ANK2: variants seen among roughly 807,000 people sequenced by gnomAD.
ANK2 encodes the protein ankyrin 2.
ANK2 carries 83 observed loss-of-function variants against 360.5 expected under a neutral mutation model. The observed-to-expected ratio is 0.23, with a 90% CI of 0.19 to 0.28. The LOEUF (loss-of-function observed/expected upper bound fraction) is 0.28. Ranked by LOEUF, ANK2 falls within the 10% of genes least tolerant of loss-of-function variation. The pLI, the probability that ANK2 is intolerant of heterozygous loss-of-function variation, is 1.00. For missense variants in ANK2, 4,201 were observed against 4,795.7 expected (o/e 0.88, Z 3.66); for synonymous variants, 1,740 against 1,759.5 (o/e 0.99, Z 0.28).
chr4:112,868,545 G>A (rs2071565851), intron 1 of ANK2, among the ~76,000 whole-genome samples: 1 of 152,166 alleles, frequency 6.6e-6, no homozygotes, highest in African/African-American at 2.4e-5. Flanking sequence ...ACCTCTTAAT[G>A]GTCTCACTTC....
At chr4:112,707,200 C>G in the ANK2 span, among the ~76,000 whole-genome samples, 1 of 152,176 alleles carries the variant, frequency 6.6e-6, no homozygotes, top group Non-Finnish European at 1.5e-5. Flanking sequence ...AATGGTCTTT[C>G]TCCCTGGTAG....
chr4:113,349,558 C>T (rs538580066), intron 36 of ANK2, among the ~76,000 whole-genome samples: 16 of 152,070 alleles, frequency 1.1e-4, no homozygotes, highest in Non-Finnish European at 2.2e-4. Flanking sequence ...GCCATATACA[C>T]AATCAACTTA....
At chr4:112,723,159 G>A in the ANK2 span, among the ~76,000 whole-genome samples, 2 of 152,112 alleles carry the variant, frequency 1.3e-5, no homozygotes, top group African/African-American at 2.4e-5. Context: ...TAGATCTCAC[G>A]AACCTGGAAT....
intron 14 of ANK2, among the ~76,000 whole-genome samples, chr4:113,267,955 A>G (rs2056898448): frequency 6.6e-6 from 1 of 152,170 alleles, no homozygotes; most frequent in Non-Finnish European, 1.5e-5. Flanking sequence ...ATCCTTGAAG[A>G]GGTCCTTCAC....
intron 2 of ANK2, chr4:113,034,643 G>A (rs1282488074): frequency 1.3e-5 from 2 of 151,958 alleles, no homozygotes; most frequent in African/African-American, 4.8e-5. Context: ...AAGAAATATT[G>A]ACAATCTTTC....
intron 17 of ANK2, among the ~76,000 whole-genome samples, chr4:113,281,800 T>A (rs574953947): frequency 6.6e-6 from 1 of 152,196 alleles, no homozygotes; most frequent in South Asian, 2.1e-4. Flanking sequence ...AGAGTATGAG[T>A]TTTCCTGTCC....
At chr4:113,043,509 G>T (rs1011355348) in intron 2 of ANK2, among the ~76,000 whole-genome samples, 1 of 151,982 alleles carries the variant, frequency 6.6e-6, no homozygotes, top group Non-Finnish European at 1.5e-5. Flanking sequence ...GGGCTTAAGT[G>T]GTCTTCCTGC....
At chr4:112,778,699 G>A in the ANK2 span, among the ~76,000 whole-genome samples, 2 of 152,160 alleles carry the variant, frequency 1.3e-5, no homozygotes, top group Non-Finnish European at 2.9e-5. Flanking sequence ...GACAAGGGGC[G>A]CCAGCCTGCA....
At chr4:112,847,226 T>C (rs1349740180) in intron 1 of ANK2, among the ~76,000 whole-genome samples, 1 of 152,206 alleles carries the variant, frequency 6.6e-6, no homozygotes, top group Non-Finnish European at 1.5e-5. Flanking sequence ...CTGTGTGTCC[T>C]GTGGATACTG....
At chr4:112,747,452 T>G in the ANK2 span, among the ~76,000 whole-genome samples, 1 of 152,188 alleles carries the variant, frequency 6.6e-6, no homozygotes, top group African/African-American at 2.4e-5. Context: ...ATGTGAAAAT[T>G]GGTGGTTTAT....
In ANK2 at chr4:112,999,791, T is replaced by G. The variant is rs942539052; in HGVS notation, c.21+95277T>G. 3.9e-5 allele frequency among the ~76,000 whole-genome samples: 6 copies of G among 152,168 alleles called. No individual in the cohort carries two copies. In the South Asian group the frequency reaches 1.0e-3, roughly 26 times the overall value. On this transcript the variant is annotated intron_variant, in intron 2 of 30. Coordinates refer to the ANK2 transcript ENST00000503271. ...CCCCCTGGAATCGTCTTACTTTTCT[T>G]GGCAAGCATCATTAGAAAGTTAATT...
At chr4:112,818,902 T>C (rs1364524291) in intron 1 of ANK2, among the ~76,000 whole-genome samples, 1 of 152,210 alleles carries the variant, frequency 6.6e-6, no homozygotes, top group African/African-American at 2.4e-5. Context: ...TCCCAGCTAG[T>C]GAATTGTCTT....
chr4:113,273,966 A>AAAATGACC (rs2059381059), intron 14 of ANK2, among the ~76,000 whole-genome samples: 1 of 152,322 alleles, frequency 6.6e-6, no homozygotes, highest in East Asian at 1.9e-4. Context: ...CTCCTTGAAG[A>AAAATGACC]AAATGACCAG....
chr4:113,239,163 T>A (rs1322175586), intron 7 of ANK2, among the ~76,000 whole-genome samples: 1 of 152,176 alleles, frequency 6.6e-6, no homozygotes, highest in Non-Finnish European at 1.5e-5. Context: ...ATTGGCATTA[T>A]GTAAATGCAA....
intron 1 of ANK2, among the ~76,000 whole-genome samples, chr4:113,082,773 C>T (rs1304038713): frequency 6.6e-6 from 1 of 152,114 alleles, no homozygotes; most frequent in Non-Finnish European, 1.5e-5. Flanking sequence ...GTGAATATTA[C>T]AAAGAAAAAT....
intron 1 of ANK2, among the ~76,000 whole-genome samples, chr4:113,123,848 T>C (rs2095511565): frequency 6.6e-6 from 1 of 152,154 alleles, no homozygotes. Flanking sequence ...CGATCGTAGA[T>C]TTACTTCTAA....
At chr4:113,199,732 G>T (rs181206359) in intron 4 of ANK2, among the ~76,000 whole-genome samples, 17 of 151,986 alleles carry the variant, frequency 1.1e-4, no homozygotes, top group African/African-American at 3.9e-4. Context: ...TATCATGTAC[G>T]CATGTGGGGA....
At position 112,952,175 on chromosome 4, in the gene ANK2, G is replaced by C. The variant is rs564620211; in HGVS notation, c.21+47661G>C. Among the ~76,000 whole-genome samples, 82 of 152,326 alleles carry C rather than the reference G, an allele frequency of 5.4e-4. 1 individual carries two copies. The highest frequency in any genetic ancestry group is 1.1e-3 in the Admixed American group (17 of 15,308). ...AACACAGAACCTGGATTTGGGGACA[G>C]ATGCACAGTAGCACTCCATTATGTA... On this transcript the variant is annotated intron_variant, in intron 2 of 30. Coordinates refer to the ANK2 transcript ENST00000503271.
rs376334634 is a variant in ANK2, at chr4:112,933,246, A to G, written c.21+28732A>G. Among the ~76,000 whole-genome samples the G allele has an allele frequency of 4.2e-4, 64 of 152,328 alleles. No homozygotes were observed. The East Asian group carries it at 0.012, about 28-fold the overall frequency. ...AAGTATTAAAAAATTAAGTGAAGAC[A>G]ATGTTATTAATTGTTAAATCTAAGG... On this transcript the variant is annotated intron_variant, in intron 2 of 30. Coordinates refer to the ANK2 transcript ENST00000503271.
Sources: gnomAD v4.1 joint callset for allele counts (sites outside exome capture counted in the v4.1 genomes callset) on GRCh38, gnomAD v4.1.1 for gene constraint, MANE v1.5 for transcripts, NCBI Gene and HGNC (gene_info 2026-07-23, HGNC 2026-07-21) for gene names.